The following LRRC53 variants were observed in gnomAD, a reference collection of about 807,000 sequenced individuals.
LRRC53 encodes leucine rich repeat containing 53.
In LRRC53, 25 loss-of-function variants were observed where a neutral mutation model predicts 13.6. The ratio of observed to expected loss-of-function variants is 1.83; its 90% confidence interval spans 1.34 to 2.56. The LOEUF (loss-of-function observed/expected upper bound fraction) is 2.56. Ranked by LOEUF, LRRC53 falls within the 30% of genes most tolerant of loss-of-function variation. The probability of loss-of-function intolerance (pLI) is 0.00; values close to 1 mark genes in which losing one functional copy is unlikely to be tolerated. For synonymous variants in LRRC53, 204 were observed against 109.8 expected, an observed-to-expected ratio of 1.86 and a Z score of -5.37; for missense variants, 527 against 275.8, an observed-to-expected ratio of 1.91 and a Z score of -6.45.
In LRRC53 at chr1:74,480,851, A is replaced by G. The variant is rs1668460870; in HGVS notation, c.206T>C (p.Ile69Thr). The G allele has an allele frequency of 2.8e-6, 2 of 717,394 alleles. No individual in the cohort carries two copies. Among genetic ancestry groups the G allele is most frequent in the Non-Finnish European group, 5.2e-6 (2 of 385,092 alleles). The allele number at this position is 717,394 out of a possible 1,614,324, so 44.4% of individuals were successfully genotyped here. A position where few individuals can be genotyped will look rare whatever the true frequency, so the allele number is the denominator to read the frequency against. ...CAGGGCATCTTCCTGAACATCCTCG[A>G]TACCATTTCTGCTTAGGGAGAGCAG... ...LALLSLSRNG[I>T]EDVQEDALHG... The change falls in exon 3 of 5, where the codon ATC becomes ACC. Residue 69 changes from isoleucine (I) to threonine (T), a missense_variant. Coordinates refer to ENST00000294635, the MANE Select transcript of LRRC53 (RefSeq NM_001382280.1).
At chr1:74,533,340 T>C in the LRRC53 span, among the ~76,000 whole-genome samples, 2 of 152,068 alleles carry the variant, frequency 1.3e-5, no homozygotes, top group Admixed American at 6.5e-5. Flanking sequence ...ATCAGAGAAA[T>C]GCAAATCAAA....
chr1:74,532,373 C>T, the LRRC53 span, among the ~76,000 whole-genome samples: 4 of 152,118 alleles, frequency 2.6e-5, no homozygotes, highest in East Asian at 7.7e-4. Context: ...TAATCCAAAA[C>T]CCTTTAACTT....
intron 1 of LRRC53, among the ~76,000 whole-genome samples, chr1:74,507,466 A>G (rs1036331509): frequency 1.3e-5 from 2 of 152,168 alleles, no homozygotes; most frequent in Non-Finnish European, 2.9e-5. Context: ...ACACAGAGTA[A>G]GCTTCTTGAA....
At chr1:74,526,319 G>C in the LRRC53 span, among the ~76,000 whole-genome samples, 2 of 152,062 alleles carry the variant, frequency 1.3e-5, no homozygotes, top group African/African-American at 4.8e-5. Flanking sequence ...TGCTCTGTGG[G>C]CTCCAATCTA....
chr1:74,511,575 T>C (rs954038634), intron 1 of LRRC53, among the ~76,000 whole-genome samples: 1 of 152,142 alleles, frequency 6.6e-6, no homozygotes, highest in African/African-American at 2.4e-5. Flanking sequence ...TATCTATCAT[T>C]TATTAAGCAG....
chr1:74,471,873 T>C lies in LRRC53; in HGVS notation c.1749A>G (p.Glu583=), dbSNP rs532100777. Residue 583 remains glutamate, a synonymous_variant, in exon 5 of 5, where the codon GAA becomes GAG. Transcript: ENST00000294635. ...TTGGCTTCTTTTCTTTCATGTAATC[T>C]TCAAATTGCTCACAGGGCACATATT... The part of the protein sequence containing the change: ...ICKYVPCEQF[E]DYMKEKKPNR... 2.2e-6 allele frequency: 1 copy of C among 455,602 alleles called. No individual in the cohort carries two copies. The highest frequency in any genetic ancestry group is 5.4e-5 in the South Asian group (1 of 18,626). The allele number at this position is 455,602 out of a possible 1,614,324, so 28.2% of individuals were successfully genotyped here.
chr1:74,509,541 C>G (rs1276410776), intron 1 of LRRC53, among the ~76,000 whole-genome samples: 1 of 151,942 alleles, frequency 6.6e-6, no homozygotes, highest in African/African-American at 2.4e-5. Context: ...AAATCGTATA[C>G]TCTTTTCTTC....
In LRRC53 at chr1:74,470,538, G is replaced by A; in HGVS notation, c.3084C>T (p.Tyr1028=). The change falls in exon 5 of 5, where the codon TAC becomes TAT. Residue 1028 remains tyrosine, a synonymous_variant. Transcript: ENST00000294635. ...CCTTGGGAAGTTCTATTCTATTTTG[G>A]TATGGAATTGAATTTGTCTTCATAA... is the stretch of plus-strand genomic sequence containing the variant. ...LSFMKTNSIP[Y]QNRIELPKDI... 2.5e-6 allele frequency: 1 copy of A among 400,670 alleles called. No individual in the cohort carries two copies. The highest frequency in any genetic ancestry group is 4.4e-6 in the Non-Finnish European group (1 of 226,166). The allele number at this position is 400,670 out of a possible 1,614,324, so 24.8% of individuals were successfully genotyped here. A position where few individuals can be genotyped will look rare whatever the true frequency, so the allele number is the denominator to read the frequency against.
intron 1 of LRRC53, among the ~76,000 whole-genome samples, chr1:74,489,848 C>T (rs780319289): frequency 1.3e-5 from 2 of 151,970 alleles, no homozygotes; most frequent in African/African-American, 2.4e-5. Flanking sequence ...GGAGCTAAAA[C>T]ATGCACACTA....
intron 1 of LRRC53, among the ~76,000 whole-genome samples, chr1:74,512,222 G>T (rs780283057): frequency 6.6e-6 from 1 of 152,184 alleles, no homozygotes; most frequent in Non-Finnish European, 1.5e-5. Context: ...GTCAGTGATT[G>T]TACAGACTCA....
intron 1 of LRRC53, among the ~76,000 whole-genome samples, chr1:74,493,552 T>C (rs970732038): frequency 1.3e-5 from 2 of 152,254 alleles, no homozygotes; most frequent in Non-Finnish European, 2.9e-5. Context: ...ATCTGTCATA[T>C]AATGCTATAA....
rs1669422046 is a variant in LRRC53, at chr1:74,498,024, TAA to T, written c.-27+14500_-27+14501del. On this transcript the variant is annotated intron_variant, in intron 1 of 4. Transcript: ENST00000294635. ...TGTTTGTTTTTGTATTCCCAAGGACTAAAGAGATGCTATTACCATTTAGTGAG... is the reference window on the plus strand; with the variant it reads ...TGTTTGTTTTTGTATTCCCAAGGACTAGAGATGCTATTACCATTTAGTGAG... Among the ~76,000 whole-genome samples, 4 of 152,162 alleles carry T rather than the reference TAA, an allele frequency of 2.6e-5. No individual in the cohort carries two copies. The South Asian group carries it at 8.3e-4, about 32-fold the overall frequency.
intron 1 of LRRC53, among the ~76,000 whole-genome samples, chr1:74,488,444 G>A (rs1482047211): frequency 1.3e-5 from 2 of 152,172 alleles, no homozygotes; most frequent in African/African-American, 4.8e-5. Context: ...CCTCCTGGCA[G>A]TGAAAGTTTC....
In LRRC53 at chr1:74,475,788, T is replaced by C. The variant is rs565522524; in HGVS notation, c.927A>G (p.Leu309=). The C allele has an allele frequency of 1.6e-6, 1 of 611,168 alleles. No individual in the cohort carries two copies. Among genetic ancestry groups the C allele is most frequent in the Admixed American group, 2.9e-5 (1 of 34,480 alleles). The allele number at this position is 611,168 out of a possible 1,614,324, so 37.9% of individuals were successfully genotyped here. The stretch of plus-strand genomic sequence containing the variant: ...GTTTCCAGTTAAATACAACTAAACC[T>C]AGGCAAGTGAGACCAACAGCTCCTA... ...GFAGAVGLTC[L]GLVVFNWKLH... The change falls in exon 4 of 5, where the codon CTA becomes CTG. Residue 309 remains leucine, a synonymous_variant. Coordinates refer to ENST00000294635, the MANE Select transcript of LRRC53 (RefSeq NM_001382280.1).
At chr1:74,496,791 G>A (rs984872640) in intron 1 of LRRC53, among the ~76,000 whole-genome samples, 1 of 152,066 alleles carries the variant, frequency 6.6e-6, no homozygotes, top group African/African-American at 2.4e-5. Context: ...GATATATTTG[G>A]AAAACTAAGC....
chr1:74,491,091 A>G (rs750494364), intron 1 of LRRC53, among the ~76,000 whole-genome samples: 80 of 152,334 alleles, frequency 5.3e-4, no homozygotes, highest in Non-Finnish European at 1.0e-3. Flanking sequence ...TAAAACTGGG[A>G]TACACATTTT....
chr1:74,483,874 C>G (rs1258824847), intron 1 of LRRC53, among the ~76,000 whole-genome samples: 5 of 152,110 alleles, frequency 3.3e-5, no homozygotes, highest in African/African-American at 1.2e-4. Flanking sequence ...ATTCTTACTC[C>G]TTATAGATTT....
intron 3 of LRRC53, among the ~76,000 whole-genome samples, chr1:74,479,935 T>G (rs758749744): frequency 1.3e-5 from 2 of 152,222 alleles, no homozygotes; most frequent in African/African-American, 4.8e-5. Context: ...GCCCTTGAAT[T>G]CTGGTCCAGG....
intron 1 of LRRC53, among the ~76,000 whole-genome samples, chr1:74,503,755 C>T (rs1454295054): frequency 6.6e-6 from 1 of 152,172 alleles, no homozygotes; most frequent in Non-Finnish European, 1.5e-5. Flanking sequence ...CCTTTTATCT[C>T]TTTCTTTTTA....
Sources: allele counts gnomAD v4.1 joint callset (sites outside exome capture counted in the v4.1 genomes callset), GRCh38; gene constraint gnomAD v4.1.1; transcripts MANE v1.5; gene names NCBI Gene and HGNC (gene_info 2026-07-23, HGNC 2026-07-21).